ASB4: variants seen among roughly 807,000 people sequenced by gnomAD.
ASB4 encodes the protein ankyrin repeat and SOCS box containing 4.
In ASB4, 35 loss-of-function variants were observed where a neutral mutation model predicts 38.6. The observed-to-expected ratio is 0.91, with a 90% confidence interval of 0.69 to 1.20. ASB4 has a LOEUF of 1.20. Among genes scored for constraint, ASB4 ranks in the 50% most tolerant of loss-of-function variants. ASB4 has a pLI of 0.00. For missense variants in ASB4, 557 were observed against 527.2 expected (o/e 1.06, Z -0.55); for synonymous variants, 195 against 201.3 (o/e 0.97, Z 0.26).
intron 2 of ASB4, among the ~76,000 whole-genome samples, chr7:95,511,589 G>C (rs2116616349): frequency 6.6e-6 from 1 of 151,948 alleles, no homozygotes. Context: ...TTGAACCTGG[G>C]AGGCCGAGGG....
Position 95,527,924 on chromosome 7 carries a change from T to G in ASB4, c.599T>G (p.Ile200Arg), listed in dbSNP as rs760017807. 1.9e-5 allele frequency: 31 copies of G among 1,614,026 alleles called. No homozygotes were observed. Among genetic ancestry groups the G allele is most frequent in the Non-Finnish European group, 3.4e-6 (4 of 1,180,034 alleles). The change falls in exon 3 of 5, where the codon ATA (isoleucine) becomes AGA (arginine). Residue 200 changes from isoleucine (I) to arginine (R), a missense_variant. Transcript: ENST00000325885. ...GCCTTCTACGTGGAACACGGGGCCA[T>G]AGTGGACAGCGTGAATGCCCACATG... ...LVAFYVEHGA[I>R]VDSVNAHMET...
chr7:95,522,898 T>A (rs1790683179), intron 2 of ASB4, among the ~76,000 whole-genome samples: 1 of 152,154 alleles, frequency 6.6e-6, no homozygotes, highest in Non-Finnish European at 1.5e-5. Flanking sequence ...GGAGACCCTC[T>A]TGCATAAATT....
upstream of ASB4, chr7:95,485,906 T>C (rs897911656): frequency 7.2e-5 from 103 of 1,440,380 alleles, no homozygotes; most frequent in African/African-American, 1.1e-3. Context: ...CTCTCCAGCA[T>C]GCGCCTGTTT....
chr7:95,522,323 G>A (rs1790674725), intron 2 of ASB4, among the ~76,000 whole-genome samples: 3 of 151,984 alleles, frequency 2.0e-5, no homozygotes, highest in South Asian at 2.1e-4. Context: ...TGATGCTCGT[G>A]GTGTTTGAAT....
chr7:95,541,741 A>G (rs1369654015), downstream of ASB4, among the ~76,000 whole-genome samples: 3 of 152,152 alleles, frequency 2.0e-5, no homozygotes. Context: ...TACGGAGCTG[A>G]TTTCGCAGCT....
chr7:95,500,011 G>A (rs9886182), intron 2 of ASB4, among the ~76,000 whole-genome samples: 40,767 of 151,258 alleles, frequency 0.27, 5,608 homozygotes, highest in East Asian at 0.36. Flanking sequence ...GTAGCTGGGA[G>A]CATCCTCATT....
intron 1 of ASB4, among the ~76,000 whole-genome samples, chr7:95,490,957 T>C (rs564824464): frequency 6.6e-6 from 1 of 152,336 alleles, no homozygotes; most frequent in South Asian, 2.1e-4. Context: ...AGACGGCTAT[T>C]TAAAGATTTG....
intron 3 of ASB4, 192 bp downstream of exon 3, chr7:95,528,495 T>G (rs1416233936): frequency 7.0e-7 from 1 of 1,434,214 alleles, no homozygotes. Context: ...TGCTTGAAAT[T>G]GGGTGTGAGA....
At chr7:95,491,533 A>G (rs1419500730) in intron 1 of ASB4, among the ~76,000 whole-genome samples, 2 of 152,224 alleles carry the variant, frequency 1.3e-5, no homozygotes, top group African/African-American at 4.8e-5. Flanking sequence ...AATAAATCAC[A>G]TTCTAGGTTT....
chr7:95,533,690 A>G (rs1407900210), intron 3 of ASB4, among the ~76,000 whole-genome samples: 1 of 152,046 alleles, frequency 6.6e-6, no homozygotes, highest in Non-Finnish European at 1.5e-5. Flanking sequence ...ACCATTTCCT[A>G]GCTAAAAGAC....
the ASB4 span, among the ~76,000 whole-genome samples, chr7:95,471,458 G>A: frequency 1.3e-5 from 2 of 152,040 alleles, no homozygotes; most frequent in Admixed American, 1.3e-4. Context: ...CAGACTCCAG[G>A]TATATTTTAA....
chr7:95,551,250 G>C, the ASB4 span, among the ~76,000 whole-genome samples: 1 of 152,050 alleles, frequency 6.6e-6, no homozygotes. Flanking sequence ...CTAAATGCTG[G>C]GATTACAAGC....
At chr7:95,541,087 T>C (rs570138811), downstream of ASB4, among the ~76,000 whole-genome samples, 18 of 152,312 alleles carry the variant, frequency 1.2e-4, no homozygotes, top group African/African-American at 3.8e-4. Context: ...GTTACTTTCT[T>C]TAGGAGGATA....
chr7:95,511,009 T>C (rs144991672), intron 2 of ASB4, among the ~76,000 whole-genome samples: 1 of 152,336 alleles, frequency 6.6e-6, no homozygotes, highest in East Asian at 1.9e-4. Flanking sequence ...GCAAGTGTTT[T>C]CTTTGTCATC....
At chr7:95,498,606 A>T (rs12539808) in intron 2 of ASB4, among the ~76,000 whole-genome samples, 24,875 of 152,148 alleles carry the variant, frequency 0.16, 2,584 homozygotes, top group East Asian at 0.37. Flanking sequence ...CATTTATCAG[A>T]TACATAGTTT....
chr7:95,492,087 A>G lies in ASB4; in HGVS notation c.188-3671A>G, dbSNP rs192406233. On this transcript the variant is annotated intron_variant, in intron 1 of 4. Coordinates refer to ENST00000325885, the MANE Select transcript of ASB4 (RefSeq NM_016116.3). ...AGGTGTCTTGTTACCACCTACCTAC[A>G]CACATTCCTATCTTAGGAGAGGTGA... 4.6e-5 allele frequency among the ~76,000 whole-genome samples: 7 copies of G among 152,236 alleles called. No homozygotes were observed. The East Asian group carries it at 1.4e-3, about 29-fold the overall frequency.
chr7:95,532,875 T>C (rs1452031417), intron 3 of ASB4, among the ~76,000 whole-genome samples: 1 of 152,306 alleles, frequency 6.6e-6, no homozygotes, highest in Middle Eastern at 3.4e-3. Flanking sequence ...CTCATCAAGG[T>C]GAGCTTACTG....
intron 2 of ASB4, among the ~76,000 whole-genome samples, chr7:95,504,157 A>G (rs1790377083): frequency 6.6e-6 from 1 of 152,176 alleles, no homozygotes; most frequent in South Asian, 2.1e-4. Flanking sequence ...TCCATTCGTA[A>G]GAGGAAAATG....
intron 3 of ASB4, among the ~76,000 whole-genome samples, chr7:95,532,340 G>A (rs996845749): frequency 2.6e-5 from 4 of 152,122 alleles, no homozygotes; most frequent in African/African-American, 7.2e-5. Context: ...AATTACATAA[G>A]CGGGGGAAAA....
Sources: allele counts gnomAD v4.1 joint callset (sites outside exome capture counted in the v4.1 genomes callset), GRCh38; gene constraint gnomAD v4.1.1; transcripts MANE v1.5; gene names NCBI Gene and HGNC (gene_info 2026-07-23, HGNC 2026-07-21).